Variants in ARHGAP24 observed in about 807,000 individuals in gnomAD.
The protein encoded by ARHGAP24 is rho GTPase-activating protein 24.
In ARHGAP24, 50 loss-of-function variants were observed where a neutral mutation model predicts 76.4. The observed-to-expected ratio is 0.65, with a 90% confidence interval of 0.52 to 0.83. The LOEUF (loss-of-function observed/expected upper bound fraction) is 0.83. Among genes scored for constraint, ARHGAP24 ranks in the 40% least tolerant of loss-of-function variants. The pLI, the probability that ARHGAP24 is intolerant of heterozygous loss-of-function variation, is 0.00. For synonymous variants in ARHGAP24, 345 were observed against 323.3 expected (o/e 1.07, Z -0.72); for missense variants, 930 against 914.2 (o/e 1.02, Z -0.22).
intron 3 of ARHGAP24, among the ~76,000 whole-genome samples, chr4:85,745,592 T>TA (rs10626605): frequency 0.65 from 92,965 of 143,560 alleles, 31,381 homozygotes; most frequent in Non-Finnish European, 0.73. Flanking sequence ...CCTTATCTCT[T>TA]AAAAAAAAAA....
chr4:85,997,896 A>G (rs1361378002), intron 9 of ARHGAP24, among the ~76,000 whole-genome samples: 5 of 152,026 alleles, frequency 3.3e-5, no homozygotes, highest in African/African-American at 1.2e-4. Context: ...ACCTCAAATG[A>G]TCCACCCACC....
chr4:85,532,860 T>C (rs1043615446), intron 1 of ARHGAP24, among the ~76,000 whole-genome samples: 1 of 152,162 alleles, frequency 6.6e-6, no homozygotes, highest in African/African-American at 2.4e-5. Context: ...TTGTCAGTGA[T>C]GGAAAGCTTC....
intron 2 of ARHGAP24, among the ~76,000 whole-genome samples, chr4:85,590,192 GCCTTCCTTCCTT>G (rs563217345): frequency 0.023 from 2,591 of 111,224 alleles, 113 homozygotes; most frequent in African/African-American, 0.075. Context: ...CTGCCTGCCT[GCCTTCCTTCCTT>G]CCTTCCTTCC....
intron 1 of ARHGAP24, among the ~76,000 whole-genome samples, chr4:85,557,959 C>T (rs749065158): frequency 6.6e-6 from 1 of 152,202 alleles, no homozygotes; most frequent in African/African-American, 2.4e-5. Context: ...TTTGGGTTCT[C>T]TCTCCATTCC....
At chr4:85,814,574 ATC>A (rs1457325792) in intron 3 of ARHGAP24, among the ~76,000 whole-genome samples, 1 of 152,190 alleles carries the variant, frequency 6.6e-6, no homozygotes, top group African/African-American at 2.4e-5. Flanking sequence ...CATGTCTTAT[ATC>A]CAGGGCATGC....
intron 1 of ARHGAP24, among the ~76,000 whole-genome samples, chr4:85,476,770 C>T (rs968937976): frequency 6.6e-6 from 1 of 152,170 alleles, no homozygotes; most frequent in Non-Finnish European, 1.5e-5. Flanking sequence ...ATAAAACACA[C>T]AGAATGTATG....
intron 1 of ARHGAP24, among the ~76,000 whole-genome samples, chr4:85,570,302 G>GCT (rs376080241): frequency 6.7e-6 from 1 of 149,914 alleles, no homozygotes; most frequent in South Asian, 2.1e-4. Context: ...TACTTCCCTT[G>GCT]CTCTCTCTCT....
At chr4:85,687,818 CT>C (rs796220750) in intron 2 of ARHGAP24, among the ~76,000 whole-genome samples, 5 of 146,212 alleles carry the variant, frequency 3.4e-5, no homozygotes, top group African/African-American at 5.1e-5. Context: ...GTTCTATTTT[CT>C]TTTTTTTTTA....
intron 3 of ARHGAP24, among the ~76,000 whole-genome samples, chr4:85,885,280 A>G (rs1283379679): frequency 3.3e-5 from 5 of 152,144 alleles, no homozygotes; most frequent in African/African-American, 1.2e-4. Context: ...TGTAATCCAC[A>G]TAGACAGCCT....
chr4:85,784,951 CTATCTA>C (rs1560631984), intron 3 of ARHGAP24, among the ~76,000 whole-genome samples: 34 of 147,586 alleles, frequency 2.3e-4, no homozygotes, highest in African/African-American at 8.7e-4. Context: ...ATCTATCTAT[CTATCTA>C]TCTCTCTATC....
At chr4:85,928,976 G>A (rs1305244957) in intron 4 of ARHGAP24, among the ~76,000 whole-genome samples, 2 of 152,222 alleles carry the variant, frequency 1.3e-5, no homozygotes, top group Non-Finnish European at 2.9e-5. Flanking sequence ...AACGTGCACA[G>A]ACCAAGTGCA....
Position 85,475,492 on chromosome 4 carries a change from C to T in ARHGAP24, c.-88C>T. Reference sequence around the variant, plus strand: ...TTTTTTTCTTTGCGTTTTCTTACTGCTGGTCCTGGGAGCCTTTTCCTTCGG... The same window carrying T: ...TTTTTTTCTTTGCGTTTTCTTACTGTTGGTCCTGGGAGCCTTTTCCTTCGG... On this transcript the variant is annotated 5_prime_UTR_variant, in exon 1 of 10. Transcript: ENST00000395184. The T allele has an allele frequency of 6.5e-6, 1 of 152,736 alleles. No homozygotes were observed. Among genetic ancestry groups the T allele is most frequent in the Non-Finnish European group, 1.5e-5 (1 of 68,142 alleles). The allele number at this position is 152,736 out of a possible 1,614,324, so 9.5% of individuals were successfully genotyped here.
At chr4:85,612,078 T>G (rs1720400691) in intron 2 of ARHGAP24, among the ~76,000 whole-genome samples, 2 of 81,148 alleles carry the variant, frequency 2.5e-5, no homozygotes, top group Admixed American at 3.4e-4. Context: ...TCTCTTTCAT[T>G]ACATTACACA....
At chr4:85,905,734 G>A (rs1370230605) in intron 3 of ARHGAP24, among the ~76,000 whole-genome samples, 1 of 152,166 alleles carries the variant, frequency 6.6e-6, no homozygotes, top group Non-Finnish European at 1.5e-5. Context: ...TACCTTAAAT[G>A]ATAATAAATT....
intron 2 of ARHGAP24, among the ~76,000 whole-genome samples, chr4:85,698,946 C>G (rs570916932): frequency 6.6e-6 from 1 of 152,060 alleles, no homozygotes. Context: ...GTGTGTGGTA[C>G]CACCACCCCC....
intron 2 of ARHGAP24, among the ~76,000 whole-genome samples, chr4:85,643,234 G>GTTTTTTTT (rs70948741): frequency 1.1e-4 from 6 of 54,622 alleles, no homozygotes; most frequent in African/African-American, 1.8e-4. Context: ...GTTTTTTTGT[G>GTTTTTTTT]TTTTTTTTTT....
intron 2 of ARHGAP24, among the ~76,000 whole-genome samples, chr4:85,589,949 C>G (rs1578059913): frequency 6.6e-6 from 1 of 152,158 alleles, no homozygotes; most frequent in East Asian, 1.9e-4. Context: ...ATGCCATCCA[C>G]ATTTTTGTTT....
intron 3 of ARHGAP24, among the ~76,000 whole-genome samples, chr4:85,914,535 G>T (rs1358129406): frequency 2.0e-5 from 3 of 152,122 alleles, no homozygotes; most frequent in Admixed American, 2.0e-4. Context: ...GCAATAGAGG[G>T]TTTATCACCA....
intron 3 of ARHGAP24, among the ~76,000 whole-genome samples, chr4:85,838,426 T>C (rs746865954): frequency 6.6e-6 from 1 of 152,040 alleles, no homozygotes; most frequent in Non-Finnish European, 1.5e-5. Context: ...TGAAACCCCA[T>C]CTCTACTAAA....
Sources: allele counts gnomAD v4.1 joint callset (sites outside exome capture counted in the v4.1 genomes callset), GRCh38; gene constraint gnomAD v4.1.1; transcripts MANE v1.5; gene names NCBI Gene and HGNC (gene_info 2026-07-23, HGNC 2026-07-21).